Variants in HSPBP1 observed in about 807,000 individuals in gnomAD.
HSPBP1 encodes hsp70-binding protein 1.
A neutral mutation model predicts 41.7 loss-of-function variants in HSPBP1; 31 were observed. That is an observed-to-expected ratio of 0.74 (90% CI 0.56 to 1.00). HSPBP1 has a LOEUF of 1.00. Among genes scored for constraint, HSPBP1 ranks in the 50% least tolerant of loss-of-function variants. HSPBP1 has a pLI of 0.00. For missense variants in HSPBP1, 439 were observed against 487.9 expected, an observed-to-expected ratio of 0.90 and a Z score of 0.94; for synonymous variants, 199 against 214.4, an observed-to-expected ratio of 0.93 and a Z score of 0.63.
intron 3 of HSPBP1, 131 bp from the exon 4 acceptor site, chr19:55,274,753 G>C: frequency 1.3e-6 from 1 of 747,008 alleles, no homozygotes; most frequent in Non-Finnish European, 2.2e-6. Context: ...GATCTTTAAA[G>C]AGATCATTAA....
At chr19:55,265,748 C>A in intron 6 of HSPBP1, 138 bp downstream of exon 6, 1 of 626,776 alleles carries the variant, frequency 1.6e-6, no homozygotes, top group South Asian at 2.0e-5. Flanking sequence ...GACTCCTGCT[C>A]CTTTCTGGCC....
chr19:55,266,342 A>G, intron 4 of HSPBP1, 56 bp from the exon 5 acceptor site: 3 of 1,511,162 alleles, frequency 2.0e-6, no homozygotes, highest in Admixed American at 4.2e-5. Context: ...CACTGTCATC[A>G]CAAGCACCAT....
intron 7 of HSPBP1, among the ~76,000 whole-genome samples, chr19:55,263,758 C>T (rs1443543287): frequency 6.6e-6 from 1 of 152,056 alleles, no homozygotes; most frequent in Non-Finnish European, 1.5e-5. Context: ...TCGTGTGTAC[C>T]TAATATTTTA....
rs1200518142 is a variant in HSPBP1, at chr19:55,270,408, G to A, written c.640+3990C>T. Among the ~76,000 whole-genome samples the A allele has an allele frequency of 6.6e-6, 1 of 152,192 alleles. No individual in the cohort carries two copies. Among genetic ancestry groups the A allele is most frequent in the Non-Finnish European group, 1.5e-5 (1 of 68,036 alleles). ...AATGAGGTGCAGCGCACAGGGCTTA[G>A]TGCAATGAGACCTTCAGGGAACGAG... On this transcript the variant is annotated intron_variant, in intron 4 of 7. Coordinates refer to ENST00000433386, the MANE Select transcript of HSPBP1 (RefSeq NM_012267.5). This position sits in a 1 kb window ranked among gnomAD's most constrained non-coding sequence, Gnocchi z 5.4.
chr19:55,267,765 A>G (rs1323090235), intron 4 of HSPBP1, among the ~76,000 whole-genome samples: 1 of 152,196 alleles, frequency 6.6e-6, no homozygotes. Context: ...AGTCCGCAAC[A>G]TCTTTTAATC....
chr19:55,274,336 G>GGCCC, intron 4 of HSPBP1, 62 bp downstream of exon 4: 1 of 788,060 alleles, frequency 1.3e-6, no homozygotes, highest in Non-Finnish European at 2.0e-6. Context: ...GATCCCGGGG[G>GGCCC]CCCACCCGGC....
chr19:55,265,224 G>T (rs1600131169), intron 7 of HSPBP1, 54 bp downstream of exon 7: 2 of 1,215,940 alleles, frequency 1.6e-6, no homozygotes, highest in East Asian at 2.6e-5. Context: ...TGGAGCCCTT[G>T]TCCCCTCCCC....
At position 55,262,370 on chromosome 19, in the gene HSPBP1, T is replaced by G; in HGVS notation, c.*238A>C. Reference sequence around the variant, plus strand: ...AGGAGAAGGAGGAAGAGAAACACCTTTATTGGAAGAGCTGTGTGGACAAGA... The same window carrying G: ...AGGAGAAGGAGGAAGAGAAACACCTGTATTGGAAGAGCTGTGTGGACAAGA... On this transcript the variant is annotated 3_prime_UTR_variant, in exon 8 of 8. Coordinates refer to ENST00000433386, the MANE Select transcript of HSPBP1 (RefSeq NM_012267.5). The G allele has an allele frequency of 1.5e-6, 2 of 1,333,372 alleles. No individual in the cohort carries two copies. 82.6% of individuals were successfully genotyped at this position (1,333,372 alleles called of 1,614,324 possible). A position where few individuals can be genotyped will look rare whatever the true frequency, so the allele number is the denominator to read the frequency against.
chr19:55,263,868 T>C (rs1228678121), intron 7 of HSPBP1, among the ~76,000 whole-genome samples: 1 of 152,188 alleles, frequency 6.6e-6, no homozygotes, highest in Admixed American at 6.5e-5. Context: ...ACCATGTGAC[T>C]ACGGAACCTA....
chr19:55,273,521 G>A (rs1313132074), intron 4 of HSPBP1, among the ~76,000 whole-genome samples: 2 of 152,152 alleles, frequency 1.3e-5, no homozygotes, highest in African/African-American at 4.8e-5. Flanking sequence ...GACACAGTGG[G>A]CCCAACTTCA....
chr19:55,277,908 C>T, intron 2 of HSPBP1, 62 bp from the exon 3 acceptor site: 2 of 1,350,948 alleles, frequency 1.5e-6, no homozygotes, highest in Non-Finnish European at 2.0e-6. Context: ...AAAGGAACAG[C>T]CATTAATAAA....
chr19:55,265,297 T>TG lies in HSPBP1; in HGVS notation c.985dup (p.Gln329ProfsTer4). The TG allele has an allele frequency of 6.3e-7, 1 of 1,584,656 alleles. No individual in the cohort carries two copies. Among genetic ancestry groups the TG allele is most frequent in the Non-Finnish European group, 8.6e-7 (1 of 1,163,560 alleles). On this transcript the variant is annotated frameshift_variant, in exon 7 of 8. Transcript: ENST00000433386. LOFTEE classifies it high-confidence loss of function. Reference sequence around the variant, plus strand: ...ATGTACCTGGTACTCCTCATGCTGCTGCAGCAGCTGACAGCGGTGGCGGAG... The same window carrying TG: ...ATGTACCTGGTACTCCTCATGCTGCTGGCAGCAGCTGACAGCGGTGGCGGAG...
chr19:55,262,931 C>T (rs143463544), intron 7 of HSPBP1, among the ~76,000 whole-genome samples: 1 of 152,304 alleles, frequency 6.6e-6, no homozygotes, highest in East Asian at 1.9e-4. Context: ...TGCCTCATAT[C>T]AGCACTCTTG....
rs201171002 is a variant in HSPBP1 at position 55,263,967 on chromosome 19, CTTTTTTT to C, written c.1006-1292_1006-1286del. 9.1e-4 allele frequency among the ~76,000 whole-genome samples: 119 copies of C among 130,484 alleles called. 2 individuals carry two copies. The East Asian group carries it at 0.02, about 22-fold the overall frequency. 85.6% of individuals were successfully genotyped at this position (130,484 alleles called of 152,430 possible). Reference sequence around the variant, plus strand: ...AAGTCAAAACTTCTCATGTAGTACACTTTTTTTTTTTTTTTTTTTGAGATGGAGTCTC... The same window carrying C: ...AAGTCAAAACTTCTCATGTAGTACACTTTTTTTTTTTTGAGATGGAGTCTC... On this transcript the variant is annotated intron_variant, in intron 7 of 7. Transcript: ENST00000433386.
chr19:55,270,788 C>T lies in HSPBP1; in HGVS notation c.640+3610G>A, dbSNP rs995863598. ...TGCACATCCACACACCACACATACG[C>T]ACCACACATACACACCTCATATGCA... On this transcript the variant is annotated intron_variant, in intron 4 of 7. Transcript: ENST00000433386. The surrounding 1 kb of genome is among the most constrained non-coding windows in gnomAD (Gnocchi z 5.4). Among the ~76,000 whole-genome samples the T allele has an allele frequency of 6.6e-6, 1 of 151,314 alleles. No individual in the cohort carries two copies. The highest frequency in any genetic ancestry group is 2.4e-5 in the African/African-American group (1 of 41,114).
At chr19:55,266,082 C>T (rs753583277) in intron 5 of HSPBP1, 49 bp downstream of exon 5, 1 of 1,580,156 alleles carries the variant, frequency 6.3e-7, no homozygotes, top group Non-Finnish European at 8.6e-7. Flanking sequence ...CTGCACCCAC[C>T]CCAGGGCGTC....
chr19:55,278,238 A>G (rs1375365401), intron 2 of HSPBP1, among the ~76,000 whole-genome samples: 1 of 152,178 alleles, frequency 6.6e-6, no homozygotes, highest in East Asian at 1.9e-4. Context: ...ACACAGTGAG[A>G]CTATCTCAAA....
At chr19:55,267,382 C>G (rs1231845284) in intron 4 of HSPBP1, among the ~76,000 whole-genome samples, 1 of 151,942 alleles carries the variant, frequency 6.6e-6, no homozygotes, top group Non-Finnish European at 1.5e-5. Context: ...AGCTCCTGAC[C>G]TAAAGTGATC....
chr19:55,266,817 A>C (rs1271667102), intron 4 of HSPBP1, among the ~76,000 whole-genome samples: 1 of 152,194 alleles, frequency 6.6e-6, no homozygotes, highest in African/African-American at 2.4e-5. Flanking sequence ...TAACTCTAGG[A>C]AATTTTCATC....
Sources: allele counts gnomAD v4.1 joint callset (sites outside exome capture counted in the v4.1 genomes callset), GRCh38; gene constraint gnomAD v4.1.1; non-coding constraint Gnocchi (gnomAD v3.1); transcripts MANE v1.5; gene names NCBI Gene and HGNC (gene_info 2026-07-23, HGNC 2026-07-21).